The following SV2C variants were observed in gnomAD, a reference collection of about 807,000 sequenced individuals.
The protein encoded by SV2C is solute carrier family 22 member B3.
SV2C carries 49 observed loss-of-function variants against 79.7 expected under a neutral mutation model. The observed-to-expected ratio is 0.61, with a 90% CI of 0.49 to 0.78. The LOEUF is 0.78. Ranked by LOEUF, SV2C falls within the 30% of genes least tolerant of loss-of-function variation. The pLI, the probability that SV2C is intolerant of heterozygous loss-of-function variation, is 0.00. For synonymous variants in SV2C, 334 were observed against 333.2 expected (o/e 1.00, Z -0.03); for missense variants, 833 against 912.9 (o/e 0.91, Z 1.13).
At chr5:75,974,272 T>G in the SV2C span, among the ~76,000 whole-genome samples, 1 of 152,056 alleles carries the variant, frequency 6.6e-6, no homozygotes, top group East Asian at 1.9e-4. Flanking sequence ...AACCATCGAA[T>G]CTACCTTAGC....
chr5:76,343,574 A>G (rs1284059133), intron 12 of SV2C, among the ~76,000 whole-genome samples: 4 of 152,218 alleles, frequency 2.6e-5, no homozygotes, highest in Admixed American at 2.0e-4. Flanking sequence ...CCATGTGCTG[A>G]CAAGGAGCAC....
the SV2C span, among the ~76,000 whole-genome samples, chr5:75,847,942 A>G: frequency 6.6e-6 from 1 of 152,234 alleles, no homozygotes; most frequent in Admixed American, 6.5e-5. Flanking sequence ...CAACAGCAAG[A>G]TGGAGAGAAA....
chr5:76,181,611 G>A (rs1029770729), intron 2 of SV2C, among the ~76,000 whole-genome samples: 4 of 152,072 alleles, frequency 2.6e-5, no homozygotes, highest in African/African-American at 7.2e-5. Context: ...GAGAGGGAAG[G>A]GGGGATGTGC....
At chr5:76,346,515 G>A (rs904207952) in intron 12 of SV2C, among the ~76,000 whole-genome samples, 8 of 152,166 alleles carry the variant, frequency 5.3e-5, no homozygotes, top group African/African-American at 1.9e-4. Context: ...TACCCCCAGG[G>A]AGAGAAGGGA....
At chr5:76,198,631 A>AT (rs1744343001) in intron 3 of SV2C, among the ~76,000 whole-genome samples, 1 of 152,326 alleles carries the variant, frequency 6.6e-6, no homozygotes, top group Non-Finnish European at 1.5e-5. Context: ...AACATGTAAA[A>AT]TTGACCATTG....
chr5:75,920,716 A>T, the SV2C span: 1 of 759,784 alleles, frequency 1.3e-6, no homozygotes, highest in Non-Finnish European at 2.4e-6. Context: ...GTGTGGAACC[A>T]CTCAATCTGC....
chr5:76,135,974 T>G (rs1749055741), intron 2 of SV2C, among the ~76,000 whole-genome samples: 2 of 152,326 alleles, frequency 1.3e-5, no homozygotes, highest in Non-Finnish European at 2.9e-5. Context: ...GGCCTCCCAC[T>G]CACTGGCTTA....
the SV2C span, among the ~76,000 whole-genome samples, chr5:76,004,612 G>A: frequency 2.6e-5 from 4 of 152,120 alleles, no homozygotes; most frequent in Admixed American, 2.0e-4. Context: ...TGGCAATTAA[G>A]CAGCATCCCT....
At chr5:76,285,514 T>C (rs1747325908) in intron 5 of SV2C, 1 of 670,892 alleles carries the variant, frequency 1.5e-6, no homozygotes, top group Non-Finnish European at 2.4e-6. Context: ...CTTAAACAAA[T>C]AACTTGGCTC....
chr5:76,071,584 C>T, the SV2C span, among the ~76,000 whole-genome samples: 2 of 152,160 alleles, frequency 1.3e-5, no homozygotes, highest in African/African-American at 4.8e-5. Flanking sequence ...CCATCATTAA[C>T]ACTCATTGTG....
At chr5:76,319,808 C>A (rs116145847) in intron 12 of SV2C, among the ~76,000 whole-genome samples, 1 of 152,108 alleles carries the variant, frequency 6.6e-6, no homozygotes, top group East Asian at 1.9e-4. Context: ...TGGGAAAATA[C>A]GGTTATTTTA....
the SV2C span, among the ~76,000 whole-genome samples, chr5:75,968,913 G>A: frequency 1.4e-4 from 21 of 152,238 alleles, no homozygotes; most frequent in East Asian, 3.1e-3. Context: ...AAATGTTAAC[G>A]GCAGCCAGAG....
intron 4 of SV2C, among the ~76,000 whole-genome samples, chr5:76,210,163 G>A (rs1328307457): frequency 1.3e-5 from 2 of 152,176 alleles, no homozygotes; most frequent in Non-Finnish European, 2.9e-5. Flanking sequence ...AATGTGTGGG[G>A]TGTTTTCTCC....
chr5:75,979,159 G>A, the SV2C span, among the ~76,000 whole-genome samples: 1 of 152,086 alleles, frequency 6.6e-6, no homozygotes, highest in Non-Finnish European at 1.5e-5. Context: ...ATGGTCAAGT[G>A]TTCAATTCAA....
intron 4 of SV2C, among the ~76,000 whole-genome samples, chr5:76,235,913 C>T (rs55786189): frequency 0.12 from 17,900 of 151,884 alleles, 3,056 homozygotes; most frequent in African/African-American, 0.38. Context: ...TTCCCCCCAC[C>T]GGTTCTATAT....
intron 4 of SV2C, among the ~76,000 whole-genome samples, chr5:76,225,318 T>G (rs917126860): frequency 6.6e-6 from 1 of 152,232 alleles, no homozygotes; most frequent in African/African-American, 2.4e-5. Flanking sequence ...AATTGCATGA[T>G]CCACTTCTTC....
At chr5:76,200,033 G>A (rs376783795) in intron 3 of SV2C, among the ~76,000 whole-genome samples, 90 of 152,338 alleles carry the variant, frequency 5.9e-4, no homozygotes, top group African/African-American at 2.1e-3. Context: ...GTCTTCTCAG[G>A]GCTTGTGGAC....
chr5:76,132,369 G>C (rs747334802), intron 2 of SV2C, 39 bp downstream of exon 2: 19 of 1,548,842 alleles, frequency 1.2e-5, no homozygotes, highest in Non-Finnish European at 1.7e-5. Context: ...TCTGAAACTG[G>C]CTTATTTGTT....
At chr5:76,323,361 G>A (rs1004522090) in intron 12 of SV2C, among the ~76,000 whole-genome samples, 2 of 152,166 alleles carry the variant, frequency 1.3e-5, no homozygotes, top group Non-Finnish European at 2.9e-5. Context: ...AGTCAGAATG[G>A]CTATTATTAA....
Sources: gnomAD v4.1 joint callset for allele counts (sites outside exome capture counted in the v4.1 genomes callset) on GRCh38, gnomAD v4.1.1 for gene constraint, MANE v1.5 for transcripts, NCBI Gene and HGNC (gene_info 2026-07-23, HGNC 2026-07-21) for gene names.